NCAM1: variants seen among roughly 807,000 people sequenced by gnomAD.
NCAM1 encodes the protein neural cell adhesion molecule 1.
NCAM1 carries 14 observed loss-of-function variants against 109.8 expected under a neutral mutation model. The ratio of observed to expected loss-of-function variants is 0.13; its 90% confidence interval spans 0.08 to 0.20. The LOEUF (loss-of-function observed/expected upper bound fraction) is 0.20, where lower values mean the gene tolerates loss of function less well. Ranked by LOEUF, NCAM1 falls within the 10% of genes least tolerant of loss-of-function variation. NCAM1 has a pLI of 1.00. For missense variants in NCAM1, 774 were observed against 1,109.9 expected (o/e 0.70, Z 4.30); for synonymous variants, 418 against 442.9 (o/e 0.94, Z 0.70).
intron 9 of NCAM1, chr11:113,231,431 C>A: frequency 2.1e-6 from 2 of 960,912 alleles, no homozygotes; most frequent in Non-Finnish European, 3.1e-6. Context: ...TTTTCTGTTT[C>A]GGATACTCCC....
intron 1 of NCAM1, among the ~76,000 whole-genome samples, chr11:113,084,903 T>A (rs2024119261): frequency 6.6e-6 from 1 of 152,222 alleles, no homozygotes; most frequent in South Asian, 2.1e-4. Context: ...TTGGAACAGT[T>A]GCTGACACAT....
intron 1 of NCAM1, among the ~76,000 whole-genome samples, chr11:113,056,329 G>A (rs376266112): frequency 1.3e-5 from 2 of 151,756 alleles, no homozygotes; most frequent in African/African-American, 4.8e-5. Flanking sequence ...TCTTGTATTC[G>A]ATAATACGGT....
intron 17 of NCAM1, among the ~76,000 whole-genome samples, chr11:113,267,409 G>A (rs1946153811): frequency 6.6e-6 from 1 of 151,712 alleles, no homozygotes; most frequent in Non-Finnish European, 1.5e-5. Context: ...CAGCATGGTA[G>A]GTATTGGCTG....
At chr11:113,200,497 G>C (rs965487217) in intron 1 of NCAM1, among the ~76,000 whole-genome samples, 1 of 152,172 alleles carries the variant, frequency 6.6e-6, no homozygotes, top group South Asian at 2.1e-4. Flanking sequence ...GAAACGTTTT[G>C]CCCTCTGTGC....
At chr11:113,196,144 T>A (rs1322033091) in intron 1 of NCAM1, among the ~76,000 whole-genome samples, 1 of 152,204 alleles carries the variant, frequency 6.6e-6, no homozygotes, top group Non-Finnish European at 1.5e-5. Flanking sequence ...GAGCTGGAAT[T>A]TGAACTCAGA....
In NCAM1 at chr11:113,170,030, C is replaced by G. The variant is rs1942942587; in HGVS notation, c.53-32349C>G. Among the ~76,000 whole-genome samples the G allele has an allele frequency of 5.3e-5, 8 of 152,184 alleles. No individual in the cohort carries two copies. In the South Asian group the frequency reaches 1.7e-3, roughly 32 times the overall value. On this transcript the variant is annotated intron_variant, in intron 1 of 19. Coordinates refer to ENST00000316851, the MANE Select transcript of NCAM1 (RefSeq NM_181351.5). ...TTCAAGTGTCTCGATTCCTACAACT[C>G]TTTTGTAGATCAAAGCTACCTTTTC...
chr11:113,123,851 G>A (rs186158233), intron 1 of NCAM1, among the ~76,000 whole-genome samples: 3 of 152,300 alleles, frequency 2.0e-5, no homozygotes, highest in African/African-American at 7.2e-5. Context: ...CTGGCAAAGG[G>A]ATGTAGACCC....
chr11:113,115,072 C>T lies in NCAM1; in HGVS notation c.53-87307C>T, dbSNP rs371288523. ...ACTAATAAATAGTACCTGGGGAGGC[C>T]CCTGGACAGTCAGCACCCCCCAGCT... On this transcript the variant is annotated intron_variant, in intron 1 of 19. Coordinates refer to ENST00000316851, the MANE Select transcript of NCAM1 (RefSeq NM_181351.5). Among the ~76,000 whole-genome samples, 4 of 152,172 alleles carry T rather than the reference C, an allele frequency of 2.6e-5. No homozygotes were observed. In the East Asian group the frequency reaches 5.8e-4, roughly 22 times the overall value.
chr11:113,031,799 C>T (rs1236041702), intron 1 of NCAM1, among the ~76,000 whole-genome samples: 1 of 152,220 alleles, frequency 6.6e-6, no homozygotes, highest in Non-Finnish European at 1.5e-5. Context: ...AAGGACAACA[C>T]TCTGCACATG....
At chr11:112,990,033 T>A (rs1951415721) in intron 1 of NCAM1, among the ~76,000 whole-genome samples, 1 of 152,186 alleles carries the variant, frequency 6.6e-6, no homozygotes, top group Admixed American at 6.5e-5. Flanking sequence ...TGGCTGCTAC[T>A]CCTTTTGCAG....
chr11:113,182,132 C>T (rs111575953), intron 1 of NCAM1, among the ~76,000 whole-genome samples: 92 of 152,266 alleles, frequency 6.0e-4, no homozygotes, highest in Middle Eastern at 3.4e-3. Flanking sequence ...TCCCATCAGT[C>T]CATAGGGATT....
chr11:113,023,957 G>A (rs1952467168), intron 1 of NCAM1, among the ~76,000 whole-genome samples: 4 of 152,094 alleles, frequency 2.6e-5, no homozygotes, highest in African/African-American at 9.7e-5. Context: ...ACACAGGTTT[G>A]CAACGACTTC....
chr11:113,134,925 C>T (rs542659393), intron 1 of NCAM1, among the ~76,000 whole-genome samples: 1 of 152,172 alleles, frequency 6.6e-6, no homozygotes, highest in African/African-American at 2.4e-5. Flanking sequence ...GAGTAGCAGA[C>T]GGTTCCTGTT....
chr11:112,994,685 A>G (rs1951545877), intron 1 of NCAM1, among the ~76,000 whole-genome samples: 1 of 152,044 alleles, frequency 6.6e-6, no homozygotes, highest in Non-Finnish European at 1.5e-5. Flanking sequence ...TGCTTAGAGT[A>G]CCCGGGAGTT....
chr11:113,193,834 T>C (rs1157747153), intron 1 of NCAM1, among the ~76,000 whole-genome samples: 3 of 152,136 alleles, frequency 2.0e-5, no homozygotes, highest in African/African-American at 7.2e-5. Context: ...TAGACTTTCT[T>C]GCCCTATAAC....
intron 1 of NCAM1, 44 bp from the exon 2 acceptor site, chr11:113,202,335 T>TCTTTTTG: frequency 6.6e-7 from 1 of 1,515,186 alleles, no homozygotes; most frequent in Non-Finnish European, 8.9e-7. Flanking sequence ...TTTGTGGGTT[T>TCTTTTTG]TTTTTTGTTT....
intron 1 of NCAM1, among the ~76,000 whole-genome samples, chr11:113,135,301 A>G (rs913098933): frequency 2.0e-5 from 3 of 152,194 alleles, no homozygotes; most frequent in Non-Finnish European, 4.4e-5. Context: ...TTTAAATGTC[A>G]TCTGTAAAAA....
At chr11:113,000,845 T>C (rs370298776) in intron 1 of NCAM1, among the ~76,000 whole-genome samples, 66,627 of 103,832 alleles carry the variant, frequency 0.64, 16,658 homozygotes, top group East Asian at 0.83. Flanking sequence ...TATATATATA[T>C]ATACACAAAA....
At chr11:113,228,483 T>C (rs1944911150) in intron 9 of NCAM1, among the ~76,000 whole-genome samples, 1 of 152,112 alleles carries the variant, frequency 6.6e-6, no homozygotes. Flanking sequence ...GAAGAATCAA[T>C]ATAGTGAAAA....
Sources: allele counts gnomAD v4.1 joint callset (sites outside exome capture counted in the v4.1 genomes callset), GRCh38; gene constraint gnomAD v4.1.1; transcripts MANE v1.5; gene names NCBI Gene and HGNC (gene_info 2026-07-23, HGNC 2026-07-21).